RGS6: variants seen among roughly 807,000 people sequenced by gnomAD.
The protein encoded by RGS6 is regulator of G-protein signaling 6.
In RGS6, 30 loss-of-function variants were observed where a neutral mutation model predicts 78.5. The observed-to-expected ratio is 0.38, with a 90% CI of 0.29 to 0.52. The LOEUF (loss-of-function observed/expected upper bound fraction) is 0.52. RGS6 is among the 20% of genes least tolerant of loss of function. RGS6 has a pLI of 0.85. For synonymous variants in RGS6, 206 were observed against 206.0 expected (o/e 1.00, Z 0.00); for missense variants, 495 against 609.7 (o/e 0.81, Z 1.98).
chr14:72,581,648 G>A, the RGS6 span, among the ~76,000 whole-genome samples: 1,814 of 152,320 alleles, frequency 0.012, 14 homozygotes, highest in Non-Finnish European at 0.02. Flanking sequence ...GTGTCCCAGT[G>A]ATTCTTCTGC....
intron 3 of RGS6, among the ~76,000 whole-genome samples, chr14:72,436,083 A>G (rs1417069274): frequency 6.6e-6 from 1 of 152,076 alleles, no homozygotes; most frequent in African/African-American, 2.4e-5. Flanking sequence ...TCCTTTCTAA[A>G]GCTGAGATAT....
chr14:72,598,551 G>A, the RGS6 span, among the ~76,000 whole-genome samples: 1 of 152,200 alleles, frequency 6.6e-6, no homozygotes, highest in African/African-American at 2.4e-5. Context: ...CGCCCCACTC[G>A]GCGGCTGGGG....
chr14:72,004,124 G>A (rs537083998), intron 2 of RGS6, among the ~76,000 whole-genome samples: 242 of 152,296 alleles, frequency 1.6e-3, no homozygotes, highest in Non-Finnish European at 2.7e-3. Context: ...CACAGATTGG[G>A]AATGGCTGCT....
chr14:72,287,864 T>C (rs2062869199), intron 2 of RGS6, among the ~76,000 whole-genome samples: 1 of 152,250 alleles, frequency 6.6e-6, no homozygotes, highest in South Asian at 2.1e-4. Context: ...TGTGTGATTT[T>C]TGTCCTTCAT....
At chr14:72,072,651 C>T (rs949290504) in intron 2 of RGS6, among the ~76,000 whole-genome samples, 7 of 152,292 alleles carry the variant, frequency 4.6e-5, no homozygotes, top group African/African-American at 1.7e-4. Context: ...TTAGGGGAAG[C>T]AGAAGCTCTG....
intron 2 of RGS6, among the ~76,000 whole-genome samples, chr14:72,348,952 G>C (rs1234926486): frequency 2.0e-5 from 3 of 152,070 alleles, no homozygotes; most frequent in East Asian, 1.9e-4. Context: ...AGATCACAAG[G>C]TCAGGAGATC....
At chr14:72,592,674 C>G in the RGS6 span, among the ~76,000 whole-genome samples, 2 of 152,136 alleles carry the variant, frequency 1.3e-5, no homozygotes, top group Admixed American at 1.3e-4. Context: ...TGGGCCTCAC[C>G]CTTTCCAAGA....
chr14:72,323,961 A>G (rs1439671871), intron 2 of RGS6, among the ~76,000 whole-genome samples: 1 of 151,930 alleles, frequency 6.6e-6, no homozygotes, highest in Non-Finnish European at 1.5e-5. Context: ...TTTGATACAG[A>G]CATACAATAT....
At chr14:71,883,542 G>A in the RGS6 span, among the ~76,000 whole-genome samples, 1 of 152,188 alleles carries the variant, frequency 6.6e-6, no homozygotes, top group Non-Finnish European at 1.5e-5. Context: ...ATCTTGAGTA[G>A]GGGCTGTGTA....
chr14:71,884,484 A>T, the RGS6 span, among the ~76,000 whole-genome samples: 1 of 152,208 alleles, frequency 6.6e-6, no homozygotes, highest in Non-Finnish European at 1.5e-5. Flanking sequence ...TCCCTACTTC[A>T]GTTCATTTTA....
intron 2 of RGS6, among the ~76,000 whole-genome samples, chr14:71,988,265 G>A (rs2094807533): frequency 6.6e-6 from 1 of 152,162 alleles, no homozygotes; most frequent in African/African-American, 2.4e-5. Context: ...TAACTTCATT[G>A]CGTTGCTGGG....
At chr14:72,550,439 C>A (rs1303435667) in intron 17 of RGS6, 1 of 1,529,680 alleles carries the variant, frequency 6.5e-7, no homozygotes, top group Non-Finnish European at 8.8e-7. Flanking sequence ...TACATCTGAG[C>A]CCCCGTGCCT....
At chr14:71,896,166 G>T in the RGS6 span, among the ~76,000 whole-genome samples, 2 of 152,112 alleles carry the variant, frequency 1.3e-5, no homozygotes, top group African/African-American at 4.8e-5. Flanking sequence ...AGCGTTCTTG[G>T]ATCTCAAGCA....
intron 2 of RGS6, among the ~76,000 whole-genome samples, chr14:72,068,062 T>C (rs1181879175): frequency 3.3e-5 from 5 of 152,212 alleles, no homozygotes; most frequent in African/African-American, 4.8e-5. Context: ...GATGGGGGGA[T>C]ACTTTAGTTG....
At chr14:72,111,687 G>T (rs2095766370) in intron 2 of RGS6, among the ~76,000 whole-genome samples, 1 of 152,088 alleles carries the variant, frequency 6.6e-6, no homozygotes, top group African/African-American at 2.4e-5. Flanking sequence ...CCCAACAGAG[G>T]TTACCATCTT....
At chr14:72,547,275 A>G in intron 17 of RGS6, 1 of 1,535,654 alleles carries the variant, frequency 6.5e-7, no homozygotes, top group Non-Finnish European at 8.7e-7. Context: ...GTCACGGTCA[A>G]GGAGAGGAGA....
intron 4 of RGS6, among the ~76,000 whole-genome samples, chr14:72,456,254 CT>C (rs988915827): frequency 6.6e-6 from 1 of 152,116 alleles, no homozygotes; most frequent in African/African-American, 2.4e-5. Flanking sequence ...GCATCTGCCC[CT>C]CTCTCCCTTC....
intron 3 of RGS6, among the ~76,000 whole-genome samples, chr14:72,366,806 A>G (rs2082531063): frequency 6.6e-6 from 1 of 152,182 alleles, no homozygotes; most frequent in South Asian, 2.1e-4. Context: ...TGCAGGTGAT[A>G]GACATATCCT....
Position 72,525,717 on chromosome 14 carries a change from G to A in RGS6, c.1278+7180G>A, listed in dbSNP as rs147111437. Among the ~76,000 whole-genome samples the A allele has an allele frequency of 3.7e-3, 567 of 152,260 alleles. 2 individuals are homozygous for A. The highest frequency in any genetic ancestry group is 0.013 in the African/African-American group (531 of 41,544). ...TCTTTGCTCCAGTGGTGGAGGTGGC[G>A]GCATTGCGTGCCAGTATCACAAGAC... On this transcript the variant is annotated intron_variant, in intron 15 of 17. Coordinates refer to ENST00000553525, the MANE Select transcript of RGS6 (RefSeq NM_001204424.2).
Sources: gnomAD v4.1 joint callset for allele counts (sites outside exome capture counted in the v4.1 genomes callset) on GRCh38, gnomAD v4.1.1 for gene constraint, MANE v1.5 for transcripts, NCBI Gene and HGNC (gene_info 2026-07-23, HGNC 2026-07-21) for gene names.